The following PLXNA4 variants were observed in gnomAD, a reference collection of about 807,000 sequenced individuals.
PLXNA4 encodes plexin-A4.
In PLXNA4, 44 loss-of-function variants were observed where a neutral mutation model predicts 191.8. The observed-to-expected ratio is 0.23, with a 90% confidence interval of 0.18 to 0.29. The LOEUF is 0.29. Among genes scored for constraint, PLXNA4 ranks in the 10% least tolerant of loss-of-function variants. The pLI, the probability that PLXNA4 is intolerant of heterozygous loss-of-function variation, is 1.00. For missense variants in PLXNA4, 1,800 were observed against 2,488.8 expected, an observed-to-expected ratio of 0.72 and a Z score of 5.89; for synonymous variants, 1,082 against 1,009.5, an observed-to-expected ratio of 1.07 and a Z score of -1.36.
Position 132,202,739 on chromosome 7 carries a change from C to A in PLXNA4, c.2493G>T (p.Gln831His), listed in dbSNP as rs1295179792. The change falls in exon 12 of 32, where the codon CAG becomes CAT. Residue 831 changes from glutamine (Q) to histidine (H), a missense_variant. Coordinates refer to ENST00000321063, the MANE Select transcript of PLXNA4 (RefSeq NM_020911.2). ...FACGWCQGPG[Q>H]CTLRQHCPAQ... is the part of the protein sequence containing the mutation. ...CAGGGCAGTGCTGGCGCAGGGTGCA[C>A]TGGCCTGGGCCCTGGCACCAGCCAC... 1 of 1,610,966 alleles carries A rather than the reference C, an allele frequency of 6.2e-7. No individual in the cohort carries two copies. The highest frequency in any genetic ancestry group is 2.2e-5 in the East Asian group (1 of 44,716).
In PLXNA4 at chr7:132,507,881, G is replaced by A. The variant is rs770658318; in HGVS notation, c.813C>T (p.Thr271=). The change falls in exon 2 of 32, where the codon ACC becomes ACT. Residue 271 remains threonine (T), a synonymous_variant. Transcript: ENST00000321063. ...PEMVSPPGST[T]KEQVYTSKLV... ...GCTTGGATGTATACACCTGCTCCTT[G>A]GTGGTGGAGCCTGGTGGAGACACCA... 3.7e-6 allele frequency: 6 copies of A among 1,614,178 alleles called. No individual in the cohort carries two copies. In the East Asian group the frequency reaches 1.1e-4, roughly 30 times the overall value.
intron 2 of PLXNA4, among the ~76,000 whole-genome samples, chr7:132,645,631 G>A (rs943595934): frequency 6.6e-6 from 1 of 152,212 alleles, no homozygotes; most frequent in Admixed American, 6.5e-5. Context: ...ACTGGTAGGG[G>A]CTCATCTTAT....
chr7:132,329,195 G>A (rs1802492016), intron 3 of PLXNA4, among the ~76,000 whole-genome samples: 1 of 152,094 alleles, frequency 6.6e-6, no homozygotes, highest in African/African-American at 2.4e-5. Flanking sequence ...TAAATCTCTA[G>A]GACAAGTCCA....
chr7:132,420,173 G>T (rs1263290414), intron 3 of PLXNA4, among the ~76,000 whole-genome samples: 1 of 152,204 alleles, frequency 6.6e-6, no homozygotes, highest in Non-Finnish European at 1.5e-5. Context: ...CATTGCTCCT[G>T]TGCCTCTGTA....
Position 132,507,977 on chromosome 7 carries a change from G to A in PLXNA4, c.717C>T (p.Asp239=). 6.2e-7 allele frequency: 1 copy of A among 1,614,198 alleles called. No individual in the cohort carries two copies. Among genetic ancestry groups the A allele is most frequent in the Non-Finnish European group, 8.5e-7 (1 of 1,180,050 alleles). The change falls in exon 2 of 32, where the codon GAC becomes GAT. Residue 239 remains aspartate, a synonymous_variant. Coordinates refer to ENST00000321063, the MANE Select transcript of PLXNA4 (RefSeq NM_020911.2). The part of the protein sequence containing the change: ...IPSDTFTIIP[D]FDIYYVYGFS... ...AACCATAGACATAGTAGATATCAAA[G>A]TCAGGGATGATGGTGAAGGTGTCCG...
chr7:132,148,770 A>C (rs945099926), intron 25 of PLXNA4, 124 bp from the exon 26 acceptor site: 1 of 1,397,934 alleles, frequency 7.2e-7, no homozygotes, highest in Non-Finnish European at 9.5e-7. Context: ...GTGCTAGCAC[A>C]TGCTCCTGCG....
At chr7:132,418,181 A>T (rs2117127077) in intron 3 of PLXNA4, among the ~76,000 whole-genome samples, 1 of 152,218 alleles carries the variant, frequency 6.6e-6, no homozygotes, top group Admixed American at 6.5e-5. Flanking sequence ...CTTATTTTTT[A>T]AAAGAATGAT....
intron 23 of PLXNA4, 36 bp downstream of exon 23, chr7:132,165,098 A>G: frequency 1.2e-6 from 2 of 1,604,784 alleles, no homozygotes; most frequent in Non-Finnish European, 1.7e-6. Flanking sequence ...AGAATGAACG[A>G]GGCAAGGCCA....
chr7:132,424,233 A>T (rs1794952924), intron 3 of PLXNA4, among the ~76,000 whole-genome samples: 1 of 152,176 alleles, frequency 6.6e-6, no homozygotes, highest in Non-Finnish European at 1.5e-5. Context: ...GTGGATTCAC[A>T]TGCTGGTGCT....
intron 3 of PLXNA4, among the ~76,000 whole-genome samples, chr7:132,351,461 G>A (rs1310526262): frequency 6.6e-6 from 1 of 152,178 alleles, no homozygotes; most frequent in African/African-American, 2.4e-5. Flanking sequence ...ACTTGCCCAT[G>A]GCTGGCCACC....
At chr7:132,569,263 G>A (rs1358869354) in intron 1 of PLXNA4, among the ~76,000 whole-genome samples, 1 of 152,216 alleles carries the variant, frequency 6.6e-6, no homozygotes, top group African/African-American at 2.4e-5. Flanking sequence ...GGCCAGCTTG[G>A]TAATACACTA....
chr7:132,298,339 G>C, intron 3 of PLXNA4, 117 bp from the exon 4 acceptor site: 1 of 1,353,980 alleles, frequency 7.4e-7, no homozygotes, highest in Non-Finnish European at 9.9e-7. Flanking sequence ...TGTCTCCACA[G>C]TGCTCACAGG....
intron 30 of PLXNA4, among the ~76,000 whole-genome samples, chr7:132,135,501 C>T (rs1021605759): frequency 2.6e-5 from 4 of 152,100 alleles, no homozygotes; most frequent in Admixed American, 6.6e-5. Context: ...TTATAGTCCC[C>T]GAGGTGTAAG....
chr7:132,130,292 C>A lies in PLXNA4; in HGVS notation c.*187G>T, dbSNP rs1168188487. On this transcript the variant is annotated 3_prime_UTR_variant, in exon 32 of 32. Coordinates refer to ENST00000321063, the MANE Select transcript of PLXNA4 (RefSeq NM_020911.2). ...GCTTGGTCCAATCGTGTTGGCAGAGCAACTGGAAGAGAAGAGATCCAGGAA... is the reference window on the plus strand; with the variant it reads ...GCTTGGTCCAATCGTGTTGGCAGAGAAACTGGAAGAGAAGAGATCCAGGAA... The A allele has an allele frequency of 3.7e-6, 3 of 806,600 alleles. No homozygotes were observed. The highest frequency in any genetic ancestry group is 5.6e-5 in the Admixed American group (2 of 35,772). The allele number at this position is 806,600 out of a possible 1,614,324, so 50.0% of individuals were successfully genotyped here.
chr7:132,260,742 T>A (rs1000695715), intron 4 of PLXNA4, among the ~76,000 whole-genome samples: 41 of 151,778 alleles, frequency 2.7e-4, no homozygotes, highest in Admixed American at 2.6e-3. Context: ...GAGGGATGAA[T>A]GGGCAGAGCA....
intron 1 of PLXNA4, among the ~76,000 whole-genome samples, chr7:132,555,054 A>AAACAAAAAAAAAAAC (rs1554467871): frequency 2.0e-5 from 3 of 151,342 alleles, no homozygotes; most frequent in African/African-American, 7.3e-5. Context: ...GGAAAAAAAA[A>AAACAAAAAAAAAAAC]AACAAAAAAA....
chr7:132,419,812 G>A (rs188242257), intron 3 of PLXNA4, among the ~76,000 whole-genome samples: 2 of 152,316 alleles, frequency 1.3e-5, no homozygotes, highest in African/African-American at 4.8e-5. Context: ...AGCTGCCACA[G>A]ACAATACATA....
intron 3 of PLXNA4, among the ~76,000 whole-genome samples, chr7:132,353,376 A>T (rs1803567583): frequency 6.6e-6 from 1 of 152,138 alleles, no homozygotes; most frequent in South Asian, 2.1e-4. Context: ...ACTTAGCATC[A>T]GTGCAATGCC....
intron 5 of PLXNA4, among the ~76,000 whole-genome samples, chr7:132,231,046 C>T (rs1584876424): frequency 6.6e-6 from 1 of 152,200 alleles, no homozygotes; most frequent in Admixed American, 6.5e-5. Flanking sequence ...CATCTTGCCA[C>T]TGCTCCTGAA....
Sources: allele counts gnomAD v4.1 joint callset (sites outside exome capture counted in the v4.1 genomes callset), GRCh38; gene constraint gnomAD v4.1.1; transcripts MANE v1.5; gene names NCBI Gene and HGNC (gene_info 2026-07-23, HGNC 2026-07-21).